CACNA1E: variants seen among roughly 807,000 people sequenced by gnomAD.
CACNA1E encodes the protein voltage-dependent R-type calcium channel subunit alpha-1E.
CACNA1E carries 40 observed loss-of-function variants against 259.2 expected under a neutral mutation model. The observed-to-expected ratio is 0.15, with a 90% CI of 0.12 to 0.20. The LOEUF (loss-of-function observed/expected upper bound fraction) is 0.20, where lower values mean the gene tolerates loss of function less well. Among genes scored for constraint, CACNA1E ranks in the 10% least tolerant of loss-of-function variants. The pLI, the probability that CACNA1E is intolerant of heterozygous loss-of-function variation, is 1.00. For synonymous variants in CACNA1E, 1,104 were observed against 1,138.5 expected, an observed-to-expected ratio of 0.97 and a Z score of 0.61; for missense variants, 1,874 against 3,040.1, an observed-to-expected ratio of 0.62 and a Z score of 9.02.
At chr1:181,459,670 T>C (rs1243686425) in intron 2 of CACNA1E, among the ~76,000 whole-genome samples, 1 of 152,224 alleles carries the variant, frequency 6.6e-6, no homozygotes, top group Non-Finnish European at 1.5e-5. Context: ...TTTTGGCTGC[T>C]TGTTCAGGTT....
intron 6 of CACNA1E, among the ~76,000 whole-genome samples, chr1:181,597,868 TC>T (rs1347803013): frequency 6.6e-6 from 1 of 152,180 alleles, no homozygotes; most frequent in African/African-American, 2.4e-5. Flanking sequence ...TCATTCACTG[TC>T]ACGAGAACAG....
chr1:181,591,316 T>A (rs979293917), intron 6 of CACNA1E, among the ~76,000 whole-genome samples: 1 of 152,232 alleles, frequency 6.6e-6, no homozygotes, highest in Non-Finnish European at 1.5e-5. Flanking sequence ...TTAGTCTTTT[T>A]AAAAGAATCA....
At chr1:181,526,564 A>C (rs1262043699) in intron 3 of CACNA1E, among the ~76,000 whole-genome samples, 1 of 152,192 alleles carries the variant, frequency 6.6e-6, no homozygotes, top group Non-Finnish European at 1.5e-5. Flanking sequence ...GAAGGGAATT[A>C]AGAGAACAAT....
At chr1:181,386,979 G>T (rs770983955) in intron 1 of CACNA1E, among the ~76,000 whole-genome samples, 4 of 152,170 alleles carry the variant, frequency 2.6e-5, no homozygotes, top group Non-Finnish European at 5.9e-5. Flanking sequence ...AATAACTTTT[G>T]TTCGATTGAT....
intron 1 of CACNA1E, among the ~76,000 whole-genome samples, chr1:181,361,050 T>C (rs1653853241): frequency 6.6e-6 from 1 of 152,158 alleles, no homozygotes. Flanking sequence ...CACTCCTTGC[T>C]TCACAGGTGG....
At chr1:181,502,905 G>T (rs952553516) in intron 1 of CACNA1E, among the ~76,000 whole-genome samples, 6 of 152,110 alleles carry the variant, frequency 3.9e-5, no homozygotes, top group African/African-American at 1.4e-4. Flanking sequence ...CACCATGTTG[G>T]CCAGGCTGGT....
At chr1:181,365,081 A>C (rs1466993145) in intron 1 of CACNA1E, among the ~76,000 whole-genome samples, 3 of 152,188 alleles carry the variant, frequency 2.0e-5, no homozygotes, top group African/African-American at 7.2e-5. Flanking sequence ...TTTGGGAGGT[A>C]GTGCTGGTTA....
intron 2 of CACNA1E, among the ~76,000 whole-genome samples, chr1:181,439,429 AC>A (rs869186289): frequency 9.3e-6 from 1 of 107,674 alleles, no homozygotes; most frequent in Non-Finnish European, 2.1e-5. Flanking sequence ...GCTAGACTCT[AC>A]CTTTTTTCTG....
rs549563448 is a variant in CACNA1E, at chr1:181,602,477, T to G, written c.951+21701T>G. ...CCATCATGTTGGTTCTCAAAAAGTT[T>G]TGGATTTTGAAAGATTTCAGATTTC... is the stretch of plus-strand genomic sequence containing the variant. On this transcript the variant is annotated intron_variant, in intron 6 of 47. Coordinates refer to ENST00000367573, the MANE Select transcript of CACNA1E (RefSeq NM_001205293.3). Among the ~76,000 whole-genome samples, 3 of 152,308 alleles carry G rather than the reference T, an allele frequency of 2.0e-5. No individual in the cohort carries two copies. The South Asian group carries it at 6.2e-4, about 32-fold the overall frequency.
At chr1:181,608,366 G>A (rs148391611) in intron 6 of CACNA1E, among the ~76,000 whole-genome samples, 16 of 152,338 alleles carry the variant, frequency 1.1e-4, no homozygotes, top group Non-Finnish European at 1.9e-4. Context: ...GAAGAAATTA[G>A]TGGGAAATAG....
chr1:181,728,068 T>C (rs1655081302), intron 18 of CACNA1E, among the ~76,000 whole-genome samples: 1 of 152,224 alleles, frequency 6.6e-6, no homozygotes, highest in Non-Finnish European at 1.5e-5. Context: ...CAAAGATTGA[T>C]AGGGAATATT....
At chr1:181,722,247 G>A (rs1233746053) in intron 16 of CACNA1E, among the ~76,000 whole-genome samples, 5 of 152,120 alleles carry the variant, frequency 3.3e-5, no homozygotes, top group African/African-American at 1.2e-4. Context: ...GTAGAACAGA[G>A]CCTGCCACAT....
intron 3 of CACNA1E, among the ~76,000 whole-genome samples, chr1:181,545,379 C>T (rs762873541): frequency 3.3e-4 from 50 of 152,192 alleles, no homozygotes; most frequent in Admixed American, 2.0e-4. Context: ...TCATACTTGG[C>T]ATTTTAGATG....
chr1:181,338,059 T>C (rs1651849917), intron 1 of CACNA1E, among the ~76,000 whole-genome samples: 1 of 152,144 alleles, frequency 6.6e-6, no homozygotes, highest in Non-Finnish European at 1.5e-5. Context: ...TACTAACAGG[T>C]ATAAGGTTAT....
intron 2 of CACNA1E, among the ~76,000 whole-genome samples, chr1:181,478,438 T>C (rs1360092183): frequency 6.6e-6 from 1 of 152,244 alleles, no homozygotes; most frequent in African/African-American, 2.4e-5. Flanking sequence ...ATTGCCATAA[T>C]GCTCCTCTGC....
chr1:181,380,586 G>A (rs772608416), intron 1 of CACNA1E, among the ~76,000 whole-genome samples: 1 of 152,118 alleles, frequency 6.6e-6, no homozygotes, highest in African/African-American at 2.4e-5. Context: ...TGGCAAATAA[G>A]CACATTAAAG....
chr1:181,599,358 T>C (rs542697276), intron 6 of CACNA1E, among the ~76,000 whole-genome samples: 1 of 152,324 alleles, frequency 6.6e-6, no homozygotes, highest in South Asian at 2.1e-4. Flanking sequence ...CTTTATCCAG[T>C]CTATCATTGA....
chr1:181,379,020 T>C (rs1655288902), intron 1 of CACNA1E, among the ~76,000 whole-genome samples: 1 of 152,062 alleles, frequency 6.6e-6, no homozygotes, highest in South Asian at 2.1e-4. Context: ...AATGAGGACA[T>C]AAGTCAATCA....
In CACNA1E at chr1:181,784,753, G is replaced by A; in HGVS notation, c.5563G>A (p.Val1855Met). ...ATCCCAGAAGATGCTGGATCTGCTTGTGCCCATGCCCAAAGGTTTGGGTCT... is the reference window on the plus strand; with the variant it reads ...ATCCCAGAAGATGCTGGATCTGCTTATGCCCATGCCCAAAGGTTTGGGTCT... ...HLSQKMLDLL[V>M]PMPKASDLTV... Residue 1855 changes from valine (V) to methionine (M), a missense_variant, in exon 41 of 48, where the codon GTG becomes ATG. Coordinates refer to ENST00000367573, the MANE Select transcript of CACNA1E (RefSeq NM_001205293.3). 1 of 1,572,710 alleles carries A rather than the reference G, an allele frequency of 6.4e-7. No homozygotes were observed. The highest frequency in any genetic ancestry group is 8.6e-7 in the Non-Finnish European group (1 of 1,157,998).
Sources: gnomAD v4.1 joint callset for allele counts (sites outside exome capture counted in the v4.1 genomes callset) on GRCh38, gnomAD v4.1.1 for gene constraint, MANE v1.5 for transcripts, NCBI Gene and HGNC (gene_info 2026-07-23, HGNC 2026-07-21) for gene names.